WWOX: variants seen among roughly 807,000 people sequenced by gnomAD.
The protein encoded by WWOX is WW domain-containing oxidoreductase.
WWOX carries 69 observed loss-of-function variants against 46.2 expected under a neutral mutation model. The observed-to-expected ratio is 1.49, with a 90% CI of 1.23 to 1.82. The LOEUF (loss-of-function observed/expected upper bound fraction) is 1.82, where lower values mean the gene tolerates loss of function less well. Ranked by LOEUF, WWOX falls within the 40% of genes most tolerant of loss-of-function variation. WWOX has a pLI of 0.00. For synonymous variants in WWOX, 359 were observed against 202.6 expected (o/e 1.77, Z -6.56); for missense variants, 919 against 542.6 (o/e 1.69, Z -6.89).
intron 6 of WWOX, among the ~76,000 whole-genome samples, chr16:78,403,309 C>G (rs905389717): frequency 1.3e-5 from 2 of 152,186 alleles, no homozygotes; most frequent in South Asian, 2.1e-4. Flanking sequence ...AATAAACTCT[C>G]TTTGCATGAT....
chr16:78,928,501 C>T lies in WWOX; in HGVS notation c.1057-283107C>T, dbSNP rs112908250. The stretch of plus-strand genomic sequence containing the variant: ...ACAGGCGTGAGCCACCGCGCCCGGC[C>T]CCACTTTTCTTGTTGTGAATATTTT... On this transcript the variant is annotated intron_variant, in intron 8 of 8. Transcript: ENST00000566780. 7.9e-4 allele frequency among the ~76,000 whole-genome samples: 120 copies of T among 152,254 alleles called. 1 individual carries two copies. The highest frequency in any genetic ancestry group is 2.8e-3 in the African/African-American group (116 of 41,548).
At chr16:78,805,598 A>G (rs2051013846) in intron 8 of WWOX, among the ~76,000 whole-genome samples, 1 of 152,126 alleles carries the variant, frequency 6.6e-6, no homozygotes, top group Non-Finnish European at 1.5e-5. Flanking sequence ...CATAGATTTG[A>G]GGCATCTTGA....
chr16:78,357,704 A>G (rs551708521), intron 5 of WWOX, among the ~76,000 whole-genome samples: 1 of 152,332 alleles, frequency 6.6e-6, no homozygotes, highest in South Asian at 2.1e-4. Context: ...ATTATTGATC[A>G]CTTCCACATG....
intron 5 of WWOX, among the ~76,000 whole-genome samples, chr16:78,173,315 G>T (rs1268609740): frequency 6.6e-6 from 1 of 152,010 alleles, no homozygotes; most frequent in African/African-American, 2.4e-5. Context: ...TTGAGATAGG[G>T]TATTGCTCTG....
intron 8 of WWOX, among the ~76,000 whole-genome samples, chr16:78,684,703 T>G (rs922555304): frequency 1.3e-5 from 2 of 152,200 alleles, no homozygotes; most frequent in Non-Finnish European, 2.9e-5. Flanking sequence ...AGGTTAATCT[T>G]GGTTTCAGCT....
chr16:78,836,381 T>G (rs952505869), intron 8 of WWOX, among the ~76,000 whole-genome samples: 1 of 152,150 alleles, frequency 6.6e-6, no homozygotes, highest in African/African-American at 2.4e-5. Context: ...TCTCTGTGAT[T>G]TCGGCAGTGG....
intron 8 of WWOX, chr16:78,825,775 C>T: frequency 1.7e-6 from 1 of 594,192 alleles, no homozygotes. Flanking sequence ...TTAACTAGTA[C>T]ATTGATGCTG....
intron 8 of WWOX, among the ~76,000 whole-genome samples, chr16:78,787,826 CTTTAT>C (rs1567559765): frequency 2.0e-5 from 3 of 152,128 alleles, no homozygotes; most frequent in African/African-American, 7.2e-5. Flanking sequence ...CTTGCCAACA[CTTTAT>C]TTTCTGTTTT....
chr16:78,644,855 T>C (rs1446669545), intron 8 of WWOX, among the ~76,000 whole-genome samples: 1 of 152,194 alleles, frequency 6.6e-6, no homozygotes, highest in Non-Finnish European at 1.5e-5. Context: ...GGAGAGCATG[T>C]AGAAGAGGAT....
At chr16:78,322,120 G>A (rs528555951) in intron 5 of WWOX, among the ~76,000 whole-genome samples, 1 of 152,104 alleles carries the variant, frequency 6.6e-6, no homozygotes, top group African/African-American at 2.4e-5. Context: ...CCAGATGATT[G>A]TGTATTTACT....
At chr16:78,307,222 G>T (rs988316337) in intron 5 of WWOX, among the ~76,000 whole-genome samples, 1 of 152,080 alleles carries the variant, frequency 6.6e-6, no homozygotes, top group Non-Finnish European at 1.5e-5. Context: ...ACTGCTGCCC[G>T]TTCATTGCTA....
At chr16:78,511,170 G>A (rs576768168) in intron 8 of WWOX, among the ~76,000 whole-genome samples, 4 of 152,104 alleles carry the variant, frequency 2.6e-5, no homozygotes, top group Admixed American at 2.0e-4. Flanking sequence ...TACAAAAATC[G>A]GGAAAAGGCA....
Position 78,432,741 on chromosome 16 carries a change from A to G in WWOX, c.1045A>G (p.Thr349Ala). The change falls in exon 8 of 9, where the codon ACC becomes GCC. Residue 349 changes from threonine to alanine, a missense_variant. Coordinates refer to ENST00000566780, the MANE Select transcript of WWOX (RefSeq NM_016373.4). ...GCTGTTTACCTTGGCGAGGCCTTTC[A>G]CCAAGTCCATGGTAAGAGAACAGCT... Reference protein sequence around the residue: ...TLLFTLARPFTKSMQQGAATT... With the variant: ...TLLFTLARPFAKSMQQGAATT... 1 of 1,614,108 alleles carries G rather than the reference A, an allele frequency of 6.2e-7. No individual in the cohort carries two copies. Among genetic ancestry groups the G allele is most frequent in the East Asian group, 2.2e-5 (1 of 44,864 alleles).
intron 6 of WWOX, among the ~76,000 whole-genome samples, chr16:78,404,384 G>C (rs984955649): frequency 6.6e-6 from 1 of 151,900 alleles, no homozygotes; most frequent in African/African-American, 2.4e-5. Flanking sequence ...TATCCTTCAG[G>C]GGTTTGGGGC....
intron 8 of WWOX, among the ~76,000 whole-genome samples, chr16:78,733,038 C>T (rs764519623): frequency 3.3e-5 from 5 of 152,272 alleles, no homozygotes; most frequent in Non-Finnish European, 7.4e-5. Context: ...TTTGCTTTTA[C>T]GGTTTTCACA....
At chr16:79,044,532 C>G (rs913513697) in intron 8 of WWOX, among the ~76,000 whole-genome samples, 35 of 152,312 alleles carry the variant, frequency 2.3e-4, no homozygotes, top group African/African-American at 8.4e-4. Flanking sequence ...CGTGCCTGCT[C>G]CGCCTTCTCC....
At chr16:78,224,919 C>T (rs2037001565) in intron 5 of WWOX, among the ~76,000 whole-genome samples, 1 of 152,096 alleles carries the variant, frequency 6.6e-6, no homozygotes, top group South Asian at 2.1e-4. Context: ...TATTAATGTT[C>T]TGTGACTGAT....
intron 8 of WWOX, among the ~76,000 whole-genome samples, chr16:78,533,939 C>T (rs144167386): frequency 2.6e-5 from 4 of 152,252 alleles, no homozygotes; most frequent in Non-Finnish European, 4.4e-5. Flanking sequence ...AGTACAGTGC[C>T]AGATACAGAG....
At chr16:78,266,788 T>TTCTCTCTCTTTCTCTCTCTCTCTCTCTC (rs767644576) in intron 5 of WWOX, among the ~76,000 whole-genome samples, 2 of 115,532 alleles carry the variant, frequency 1.7e-5, no homozygotes, top group Non-Finnish European at 3.5e-5. Flanking sequence ...TATTCTTCTA[T>TTCTCTCTCTTTCTCTCTCTCTCTCTCTC]TCTCTCTCTC....
Sources: allele counts gnomAD v4.1 joint callset (sites outside exome capture counted in the v4.1 genomes callset), GRCh38; gene constraint gnomAD v4.1.1; transcripts MANE v1.5; gene names NCBI Gene and HGNC (gene_info 2026-07-23, HGNC 2026-07-21).